Variants in GNL2 observed in about 807,000 individuals in gnomAD.
GNL2 encodes G protein nucleolar 2, also known as nucleolar GTP-binding protein 2.
Under a neutral mutation model 92.3 loss-of-function variants are expected in GNL2, and 51 were observed. That is an observed-to-expected ratio of 0.55 (90% CI 0.44 to 0.70). The LOEUF (loss-of-function observed/expected upper bound fraction) is 0.70, where lower values mean the gene tolerates loss of function less well. GNL2 is among the 30% of genes least tolerant of loss of function. GNL2 has a pLI of 0.00. For synonymous variants in GNL2, 283 were observed against 300.6 expected, an observed-to-expected ratio of 0.94 and a Z score of 0.61; for missense variants, 844 against 895.6, an observed-to-expected ratio of 0.94 and a Z score of 0.74.
intron 12 of GNL2, among the ~76,000 whole-genome samples, chr1:37,574,093 A>T (rs1363703495): frequency 6.6e-6 from 1 of 152,100 alleles, no homozygotes; most frequent in Non-Finnish European, 1.5e-5. Flanking sequence ...GGGTTTCACC[A>T]TATTGGTCAG....
chr1:37,581,560 G>C (rs1203313898), intron 8 of GNL2: 1 of 455,984 alleles, frequency 2.2e-6, no homozygotes. Flanking sequence ...GGCAGAAATG[G>C]AAGCAACACT....
chr1:37,572,189 G>A (rs544997617), intron 12 of GNL2, among the ~76,000 whole-genome samples: 7 of 152,088 alleles, frequency 4.6e-5, no homozygotes, highest in African/African-American at 7.2e-5. Flanking sequence ...CTCACAGCAC[G>A]CAAGACTTCC....
intron 5 of GNL2, 44 bp from the exon 6 acceptor site, chr1:37,583,977 A>G (rs1024889856): frequency 1.9e-6 from 2 of 1,075,296 alleles, no homozygotes; most frequent in Non-Finnish European, 2.9e-6. Context: ...AGCACCATCA[A>G]GACTAAAAGG....
At position 37,574,373 on chromosome 1, in the gene GNL2, T is replaced by C. The variant is rs1643642483; in HGVS notation, c.1386A>G (p.Pro462=). 2 of 1,614,000 alleles carry C rather than the reference T, an allele frequency of 1.2e-6. No individual in the cohort carries two copies. Among genetic ancestry groups the C allele is most frequent in the Non-Finnish European group, 1.7e-6 (2 of 1,179,956 alleles). ...GGGCCACAAGTGGCTCTGCATTGGG[T>C]GGCTTGACAAAGAAAGGAATCCGGC... ...QRGRIPFFVK[P]PNAEPLVAPQ... Residue 462 remains proline (P), a synonymous_variant, in exon 12 of 16, where the codon CCA becomes CCG. Coordinates refer to ENST00000373062, the MANE Select transcript of GNL2 (RefSeq NM_013285.3).
chr1:37,588,503 G>C (rs1005797673), intron 4 of GNL2, among the ~76,000 whole-genome samples: 8 of 152,180 alleles, frequency 5.3e-5, no homozygotes, highest in Non-Finnish European at 1.2e-4. Flanking sequence ...TCTCCAAACA[G>C]AAGCAGCTCA....
chr1:37,585,216 G>A (rs1240633347), intron 5 of GNL2, among the ~76,000 whole-genome samples: 5 of 151,698 alleles, frequency 3.3e-5, no homozygotes, highest in Admixed American at 2.6e-4. Flanking sequence ...GCGCCCCTGC[G>A]TCCAGCTAAT....
chr1:37,579,234 C>T (rs189289837), intron 8 of GNL2, among the ~76,000 whole-genome samples: 32 of 152,248 alleles, frequency 2.1e-4, no homozygotes, highest in African/African-American at 7.2e-4. Context: ...AATTTTGTGA[C>T]TGGGCAGCTG....
chr1:37,581,259 G>A, intron 8 of GNL2: 1 of 426,704 alleles, frequency 2.3e-6, no homozygotes, highest in Non-Finnish European at 4.7e-6. Context: ...TGTAAAGTGG[G>A]GAAGGGTGGG....
At chr1:37,578,711 C>T (rs1439467832) in intron 8 of GNL2, among the ~76,000 whole-genome samples, 1 of 152,102 alleles carries the variant, frequency 6.6e-6, no homozygotes. Context: ...GTGTGCACCA[C>T]TATGCCTTGC....
chr1:37,569,514 G>T, intron 12 of GNL2: 1 of 529,692 alleles, frequency 1.9e-6, no homozygotes, highest in South Asian at 2.5e-5. Flanking sequence ...TACATGTGTA[G>T]TTCCACAGGA....
chr1:37,583,452 C>G (rs1643803124), intron 6 of GNL2: 1 of 161,742 alleles, frequency 6.2e-6, no homozygotes, highest in Non-Finnish European at 1.3e-5. Flanking sequence ...TCAAGATATA[C>G]AAAGCCTCCT....
chr1:37,586,768 T>C (rs1186436321), intron 5 of GNL2, among the ~76,000 whole-genome samples: 1 of 152,222 alleles, frequency 6.6e-6, no homozygotes, highest in African/African-American at 2.4e-5. Flanking sequence ...AAAATGTTAT[T>C]TATTTTGGGG....
At chr1:37,584,251 CCAGCCT>C (rs1643817071) in intron 5 of GNL2, among the ~76,000 whole-genome samples, 1 of 151,942 alleles carries the variant, frequency 6.6e-6, no homozygotes, top group Non-Finnish European at 1.5e-5. Flanking sequence ...GAGTTCGAGA[CCAGCCT>C]GGGCAACATG....
chr1:37,595,576 C>A (rs1379348845), intron 1 of GNL2, among the ~76,000 whole-genome samples, 183 bp downstream of exon 1: 2 of 152,216 alleles, frequency 1.3e-5, no homozygotes, highest in Admixed American at 1.3e-4. Context: ...CTCAGTTCCC[C>A]CCTGAGAAGA....
intron 8 of GNL2, chr1:37,581,446 T>C (rs1348499771): frequency 1.3e-5 from 6 of 455,882 alleles, no homozygotes; most frequent in Admixed American, 4.7e-5. Context: ...GGCAGGGCCC[T>C]CTCCAACCAG....
rs1643664317 is a variant in GNL2 at position 37,575,518 on chromosome 1, A to G, written c.1143+77T>C. The G allele has an allele frequency of 2.5e-6, 2 of 811,490 alleles. No homozygotes were observed. The highest frequency in any genetic ancestry group is 5.7e-5 in the East Asian group (2 of 35,044). The allele number at this position is 811,490 out of a possible 1,614,324, so 50.3% of individuals were successfully genotyped here. A position where few individuals can be genotyped will look rare whatever the true frequency, so the allele number is the denominator to read the frequency against. ...CCCCAAACTGCCTTCTTAATAAGTA[A>G]AAAGGAAAGGTATCCAGGGTTCCCT... On this transcript the variant is annotated intron_variant, in intron 10 of 15. Transcript: ENST00000373062. This position sits in a 1 kb window ranked among gnomAD's most constrained non-coding sequence, Gnocchi z 4.1.
intron 2 of GNL2, 123 bp from the exon 3 acceptor site, chr1:37,592,929 A>G (rs1570075689): frequency 6.2e-6 from 4 of 641,678 alleles, no homozygotes; most frequent in East Asian, 5.3e-5. Context: ...ATCATGAAAT[A>G]CCAATTCCAG....
chr1:37,592,506 T>C (rs1411015169), intron 3 of GNL2, among the ~76,000 whole-genome samples: 1 of 152,158 alleles, frequency 6.6e-6, no homozygotes, highest in Non-Finnish European at 1.5e-5. Context: ...TCAATTACAA[T>C]TACTAATGGT....
chr1:37,590,682 C>G, intron 4 of GNL2, 24 bp downstream of exon 4: 1 of 1,599,956 alleles, frequency 6.3e-7, no homozygotes, highest in Non-Finnish European at 8.6e-7. Flanking sequence ...GAAATTCCAT[C>G]ACCAGGGATA....
Sources: gnomAD v4.1 joint callset for allele counts (sites outside exome capture counted in the v4.1 genomes callset) on GRCh38, gnomAD v4.1.1 for gene constraint, Gnocchi (gnomAD v3.1) non-coding constraint, MANE v1.5 for transcripts, NCBI Gene and HGNC (gene_info 2026-07-23, HGNC 2026-07-21) for gene names.